The following DNAAF11 variants were observed in gnomAD, a reference collection of about 807,000 sequenced individuals.
DNAAF11 encodes the protein leucine rich repeat containing 6.
DNAAF11 carries 45 observed loss-of-function variants against 60.8 expected under a neutral mutation model. The observed-to-expected ratio is 0.74, with a 90% CI of 0.58 to 0.95. The LOEUF is 0.95. DNAAF11 is among the 40% of genes least tolerant of loss of function. DNAAF11 has a pLI of 0.00. For missense variants in DNAAF11, 546 were observed against 546.2 expected (o/e 1.00, Z 0.00); for synonymous variants, 191 against 183.5 (o/e 1.04, Z -0.33).
chr8:132,635,108 C>T (rs943212776), intron 4 of DNAAF11, among the ~76,000 whole-genome samples: 2 of 152,160 alleles, frequency 1.3e-5, no homozygotes, highest in African/African-American at 4.8e-5. Context: ...GACTGTACCC[C>T]AGCACCTATT....
intron 7 of DNAAF11, among the ~76,000 whole-genome samples, chr8:132,616,541 A>G (rs1256051737): frequency 6.6e-6 from 1 of 152,114 alleles, no homozygotes; most frequent in Non-Finnish European, 1.5e-5. Flanking sequence ...GGAGAATCCA[A>G]GGTTTCTGGT....
intron 11 of DNAAF11, among the ~76,000 whole-genome samples, chr8:132,577,284 T>C (rs1184099569): frequency 1.3e-5 from 2 of 152,214 alleles, no homozygotes; most frequent in Admixed American, 1.3e-4. Context: ...GATGCTAACC[T>C]GGGGTCTTAA....
In DNAAF11 at chr8:132,610,359, T is replaced by C. The variant is rs182909582; in HGVS notation, c.1045-98A>G. The C allele has an allele frequency of 6.7e-6, 5 of 743,570 alleles. No individual in the cohort carries two copies. In the African/African-American group the frequency reaches 6.9e-5, roughly 10 times the overall value. 46.1% of individuals were successfully genotyped at this position (743,570 alleles called of 1,614,324 possible). A position where few individuals can be genotyped will look rare whatever the true frequency, so the allele number is the denominator to read the frequency against. ...TTCATTACAAATTCAAGATACACCA[T>C]TCAATTAAGAAATGTGCTTAAGCTT... is the stretch of plus-strand genomic sequence containing the variant. On this transcript the variant is annotated intron_variant, in intron 9 of 11. Coordinates refer to ENST00000620350, the MANE Select transcript of DNAAF11 (RefSeq NM_012472.6).
chr8:132,661,381 T>C, intron 2 of DNAAF11, 79 bp downstream of exon 2: 2 of 1,213,556 alleles, frequency 1.6e-6, no homozygotes. Flanking sequence ...GATTGTCTTC[T>C]AAAAATAACA....
chr8:132,653,674 C>A (rs538764844), intron 3 of DNAAF11, among the ~76,000 whole-genome samples: 2 of 152,102 alleles, frequency 1.3e-5, no homozygotes, highest in Admixed American at 1.3e-4. Flanking sequence ...AGTCTGTATA[C>A]TATTGAAATG....
At chr8:132,608,342 T>C (rs1412392626) in intron 10 of DNAAF11, 2 of 224,638 alleles carry the variant, frequency 8.9e-6, no homozygotes, top group Admixed American at 9.7e-5. Context: ...ATGACGAAAA[T>C]AGAACTATTC....
At chr8:132,651,903 A>G (rs1222022720) in intron 3 of DNAAF11, among the ~76,000 whole-genome samples, 4 of 152,238 alleles carry the variant, frequency 2.6e-5, no homozygotes, top group East Asian at 1.9e-4. Context: ...AAAAATGCCA[A>G]TGATGAAAAG....
intron 3 of DNAAF11, among the ~76,000 whole-genome samples, chr8:132,641,003 A>G (rs1457939484): frequency 6.6e-6 from 1 of 152,186 alleles, no homozygotes; most frequent in East Asian, 1.9e-4. Context: ...TTCATTGAAT[A>G]AAACAAGAAT....
At chr8:132,594,760 T>A (rs1816813769) in intron 10 of DNAAF11, among the ~76,000 whole-genome samples, 1 of 152,138 alleles carries the variant, frequency 6.6e-6, no homozygotes, top group Non-Finnish European at 1.5e-5. Context: ...CCACCATGAG[T>A]GTAAGTTTCC....
chr8:132,685,085 G>A, the DNAAF11 span: 2 of 152,184 alleles, frequency 1.3e-5, no homozygotes, highest in Non-Finnish European at 2.9e-5. Context: ...TAGCAGACAA[G>A]TGGTAGCAGG....
intron 3 of DNAAF11, among the ~76,000 whole-genome samples, chr8:132,654,025 T>C (rs1357314234): frequency 1.3e-5 from 2 of 151,986 alleles, no homozygotes; most frequent in African/African-American, 4.8e-5. Context: ...AAGAGAAGCA[T>C]TTTAGATTCA....
Position 132,622,611 on chromosome 8 carries a change from T to G in DNAAF11, c.914A>C (p.Lys305Thr). The G allele has an allele frequency of 6.2e-7, 1 of 1,612,882 alleles. No homozygotes were observed. ...DGKALNVNEP[K>T]IDFSLKDNEK... ...TAACGCTCTATTTGGCCTCACATAC[T>G]TGGGCTCATTCACATTTAGGGCTTT... The change falls in exon 7 of 12, where the codon AAA becomes ACA. Residue 305 changes from lysine (K) to threonine (T), a missense_variant and splice_region_variant. Lys to Thr is a moderately conservative substitution (Grantham distance 78, BLOSUM62 -1). Coordinates refer to ENST00000620350, the MANE Select transcript of DNAAF11 (RefSeq NM_012472.6).
chr8:132,633,031 T>C (rs1361262742), intron 4 of DNAAF11, 68 bp from the exon 5 acceptor site: 3 of 990,280 alleles, frequency 3.0e-6, no homozygotes, highest in Non-Finnish European at 4.6e-6. Flanking sequence ...CCCAGGTTGA[T>C]TTTGATTAGA....
In DNAAF11 at chr8:132,571,687, C is replaced by A. The variant is rs984780360; in HGVS notation, c.*619G>T. 1.3e-5 allele frequency among the ~76,000 whole-genome samples: 2 copies of A among 152,094 alleles called. No individual in the cohort carries two copies. Among genetic ancestry groups the A allele is most frequent in the African/African-American group, 4.8e-5 (2 of 41,418 alleles). ...TTCTGCAGTTTATCTTGAGACAAAC[C>A]TGTGAGGCAAGTGTTATTATTCCCA... On this transcript the variant is annotated 3_prime_UTR_variant, in exon 12 of 12. Coordinates refer to ENST00000620350, the MANE Select transcript of DNAAF11 (RefSeq NM_012472.6).
Position 132,571,437 on chromosome 8 carries a change from A to T in DNAAF11, c.*869T>A, listed in dbSNP as rs1814173371. On this transcript the variant is annotated 3_prime_UTR_variant, in exon 12 of 12. Transcript: ENST00000620350. ...ATTCATAATGTTCTAGATAAAGAAG[A>T]GGTAGGATATTAAAAAAGTAAAGAA... 6.6e-6 allele frequency among the ~76,000 whole-genome samples: 1 copy of T among 152,142 alleles called. No homozygotes were observed. Among genetic ancestry groups the T allele is most frequent in the African/African-American group, 2.4e-5 (1 of 41,444 alleles).
At chr8:132,699,860 A>G in the DNAAF11 span, among the ~76,000 whole-genome samples, 1 of 152,230 alleles carries the variant, frequency 6.6e-6, no homozygotes, top group African/African-American at 2.4e-5. Flanking sequence ...TAGGTCACAT[A>G]TCATATGATT....
intron 11 of DNAAF11, among the ~76,000 whole-genome samples, chr8:132,575,994 A>G (rs1563958808): frequency 6.6e-6 from 1 of 152,152 alleles, no homozygotes; most frequent in Non-Finnish European, 1.5e-5. Context: ...GACTCTTGGG[A>G]ACTGGGGTAC....
intron 5 of DNAAF11, among the ~76,000 whole-genome samples, chr8:132,627,779 G>C (rs1359605419): frequency 1.3e-5 from 2 of 152,032 alleles, no homozygotes; most frequent in African/African-American, 4.8e-5. Flanking sequence ...AGAATTTGGG[G>C]CTTGGGAAGA....
At position 132,650,932 on chromosome 8, in the gene DNAAF11, C is replaced by G. The variant is rs148665720; in HGVS notation, c.256+5898G>C. ...ATGTTCATTATATTTTTCAAAGTGT[C>G]AAATCTTAATGTCTACTTGGCCTAC... On this transcript the variant is annotated intron_variant, in intron 3 of 11. Transcript: ENST00000620350. 7.9e-3 allele frequency among the ~76,000 whole-genome samples: 1,206 copies of G among 152,288 alleles called. 16 individuals are homozygous for G. The highest frequency in any genetic ancestry group is 0.028 in the African/African-American group (1,163 of 41,574).
Sources: allele counts gnomAD v4.1 joint callset (sites outside exome capture counted in the v4.1 genomes callset), GRCh38; gene constraint gnomAD v4.1.1; transcripts MANE v1.5; gene names NCBI Gene and HGNC (gene_info 2026-07-23, HGNC 2026-07-21).